HOXA9: variants seen among roughly 807,000 people sequenced by gnomAD.
HOXA9 encodes the protein homeobox protein Hox-A9.
Under a neutral mutation model 19.0 loss-of-function variants are expected in HOXA9, and 18 were observed. The ratio of observed to expected loss-of-function variants is 0.95; its 90% CI spans 0.65 to 1.40. HOXA9 has a LOEUF of 1.40. Among genes scored for constraint, HOXA9 ranks in the 40% most tolerant of loss-of-function variants. The pLI, the probability that HOXA9 is intolerant of heterozygous loss-of-function variation, is 0.00. For synonymous variants in HOXA9, 198 were observed against 161.1 expected (o/e 1.23, Z -1.73); for missense variants, 443 against 372.2 (o/e 1.19, Z -1.57).
In HOXA9 at chr7:27,164,994, G is replaced by T; in HGVS notation, c.464C>A (p.Thr155Asn). Reference sequence around the variant, plus strand: ...TGGAGGAGAACCACAAGCATAGTCAGTCAGGGACAAAGTGTGAGTGTCAAG... The same window carrying T: ...TGGAGGAGAACCACAAGCATAGTCATTCAGGGACAAAGTGTGAGTGTCAAG... ...PTLDTHTLSL[T>N]DYACGSPPVD... The change falls in exon 1 of 2, where the codon ACT becomes AAT. Residue 155 changes from threonine (T) to asparagine (N), a missense_variant. Coordinates refer to ENST00000343483, the MANE Select transcript of HOXA9 (RefSeq NM_152739.4). 1 of 1,614,262 alleles carries T rather than the reference G, an allele frequency of 6.2e-7. No individual in the cohort carries two copies. Among genetic ancestry groups the T allele is most frequent in the Non-Finnish European group, 8.5e-7 (1 of 1,180,050 alleles).
Position 27,164,979 on chromosome 7 carries a change from C to T in HOXA9, c.479G>A (p.Gly160Asp). ...TTTTTCTCTATCAACTGGAGGAGAA[C>T]CACAAGCATAGTCAGTCAGGGACAA... The part of the protein sequence containing the change: ...HTLSLTDYAC[G>D]SPPVDREKQP... The change falls in exon 1 of 2, where the codon GGT becomes GAT. Residue 160 changes from glycine (G) to aspartate (D), a missense_variant. Gly to Asp is a moderately conservative substitution (Grantham distance 94). Coordinates refer to ENST00000343483, the MANE Select transcript of HOXA9 (RefSeq NM_152739.4). The T allele has an allele frequency of 6.2e-7, 1 of 1,614,238 alleles. No individual in the cohort carries two copies. Among genetic ancestry groups the T allele is most frequent in the Non-Finnish European group, 8.5e-7 (1 of 1,180,040 alleles).
rs568128306 is a variant in HOXA9 at position 27,162,708 on chromosome 7, G to A, written c.*895C>T. The A allele has an allele frequency of 4.8e-6, 1 of 209,544 alleles. No individual in the cohort carries two copies. Among genetic ancestry groups the A allele is most frequent in the African/African-American group, 2.3e-5 (1 of 44,012 alleles). The allele number at this position is 209,544 out of a possible 1,614,324, so 13.0% of individuals were successfully genotyped here. A position where few individuals can be genotyped will look rare whatever the true frequency, so the allele number is the denominator to read the frequency against. ...CATAAACCCTAGGTAGTAACCTTCT[G>A]CACATATGTATAGCTCCGAATTTCC... On this transcript the variant is annotated 3_prime_UTR_variant, in exon 2 of 2. Coordinates refer to ENST00000343483, the MANE Select transcript of HOXA9 (RefSeq NM_152739.4).
In HOXA9 at chr7:27,165,316, G is replaced by T. The variant is rs781090714; in HGVS notation, c.142C>A (p.His48Asn). ...PPRQAATLAE[H>N]PDFSPCSFQS... ...AAGCTGCACGGGCTGAAGTCGGGGT[G>T]CTCGGCCAGCGTCGCCGCCTGCCGG... is the stretch of plus-strand genomic sequence containing the variant. The change falls in exon 1 of 2, where the codon CAC (histidine) becomes AAC (asparagine). Residue 48 changes from histidine to asparagine, a missense_variant. Transcript: ENST00000343483. 67 of 1,573,626 alleles carry T rather than the reference G, an allele frequency of 4.3e-5. No homozygotes were observed. The highest frequency in any genetic ancestry group is 1.7e-4 in the Middle Eastern group (1 of 5,994).
rs760819841 is a variant in HOXA9, at chr7:27,165,484, G to A, written c.-27C>T. 19 of 1,543,050 alleles carry A rather than the reference G, an allele frequency of 1.2e-5. No individual in the cohort carries two copies. The highest frequency in any genetic ancestry group is 1.7e-4 in the Middle Eastern group (1 of 5,842). On this transcript the variant is annotated 5_prime_UTR_variant, in exon 1 of 2. Transcript: ENST00000343483. The stretch of plus-strand genomic sequence containing the variant: ...ACCGTGCCCAGCGCCTGGCCCGCCC[G>A]GCCCGACCCACGGAAATTATGAAAC...
At position 27,162,853 on chromosome 7, in the gene HOXA9, T is replaced by C. The variant is rs1783228811; in HGVS notation, c.*750A>G. ...GGACTATATAGATAATGGACAGACT[T>C]AAATGCCCGCATTTTTAAGGTGGAG... is the stretch of plus-strand genomic sequence containing the variant. On this transcript the variant is annotated 3_prime_UTR_variant, in exon 2 of 2. Transcript: ENST00000343483. 5.0e-6 allele frequency: 1 copy of C among 199,478 alleles called. No individual in the cohort carries two copies. Among genetic ancestry groups the C allele is most frequent in the Non-Finnish European group, 1.0e-5 (1 of 96,552 alleles). 12.4% of individuals were successfully genotyped at this position (199,478 alleles called of 1,614,324 possible).
In HOXA9 at chr7:27,165,275, C is replaced by A. The variant is rs761013640; in HGVS notation, c.183G>T (p.Thr61=). ...FSPCSFQSKA[T]VFGASWNPVH... is the part of the protein sequence containing the mutation. ...CTGGGTTCCACGAGGCGCCAAACAC[C>A]GTCGCCTTGGACTGGAAGCTGCACG... The change falls in exon 1 of 2, where the codon ACG becomes ACT. Residue 61 remains threonine (T), a synonymous_variant. Transcript: ENST00000343483. 3 of 1,561,844 alleles carry A rather than the reference C, an allele frequency of 1.9e-6. No homozygotes were observed. Among genetic ancestry groups the A allele is most frequent in the Non-Finnish European group, 2.6e-6 (3 of 1,155,158 alleles).
chr7:27,164,633 G>GCCCGC (rs1783277719), intron 1 of HOXA9, among the ~76,000 whole-genome samples: 1 of 152,230 alleles, frequency 6.6e-6, no homozygotes, highest in Non-Finnish European at 1.5e-5. Context: ...GTCCCGAAGT[G>GCCCGC]CCCGCCCCGC....
rs764222340 is a variant in HOXA9 at position 27,165,309 on chromosome 7, T to G, written c.149A>C (p.Asp50Ala). 3 of 1,571,848 alleles carry G rather than the reference T, an allele frequency of 1.9e-6. No individual in the cohort carries two copies. The African/African-American group carries it at 4.1e-5, about 21-fold the overall frequency. The change falls in exon 1 of 2, where the codon GAC becomes GCC. Residue 50 changes from aspartate to alanine, a missense_variant. Asp to Ala is a moderately radical substitution (Grantham distance 126, BLOSUM62 -2). Coordinates refer to ENST00000343483, the MANE Select transcript of HOXA9 (RefSeq NM_152739.4). The stretch of plus-strand genomic sequence containing the variant: ...GGACTGGAAGCTGCACGGGCTGAAG[T>G]CGGGGTGCTCGGCCAGCGTCGCCGC... Reference protein sequence around the residue: ...RQAATLAEHPDFSPCSFQSKA... With the variant: ...RQAATLAEHPAFSPCSFQSKA...
At chr7:27,164,293 C>G (rs985363589) in intron 1 of HOXA9, among the ~76,000 whole-genome samples, 4 of 152,250 alleles carry the variant, frequency 2.6e-5, no homozygotes, top group African/African-American at 9.6e-5. Context: ...TCCTGGAAGG[C>G]CTTCGGAGCT....
chr7:27,164,424 G>A (rs1426949920), intron 1 of HOXA9, among the ~76,000 whole-genome samples: 1 of 152,240 alleles, frequency 6.6e-6, no homozygotes, highest in Admixed American at 6.5e-5. Flanking sequence ...GATTTACGCC[G>A]CCACTGGCCG....
In HOXA9 at chr7:27,163,485, G is replaced by A; in HGVS notation, c.*118C>T. 1 of 844,312 alleles carries A rather than the reference G, an allele frequency of 1.2e-6. No individual in the cohort carries two copies. The highest frequency in any genetic ancestry group is 1.6e-5 in the South Asian group (1 of 61,174). 52.3% of individuals were successfully genotyped at this position (844,312 alleles called of 1,614,324 possible). Reference sequence around the variant, plus strand: ...GTGGCCTGAGGTTTAGAGCCGCTTTGTGCGGGGATGGTGGAGGCTAGGGTG... The same window carrying A: ...GTGGCCTGAGGTTTAGAGCCGCTTTATGCGGGGATGGTGGAGGCTAGGGTG... On this transcript the variant is annotated 3_prime_UTR_variant, in exon 2 of 2. Transcript: ENST00000343483.
At position 27,163,907 on chromosome 7, in the gene HOXA9, T is replaced by A. The variant is rs539950262; in HGVS notation, c.581-66A>T. The A allele has an allele frequency of 5.2e-6, 7 of 1,335,860 alleles. No homozygotes were observed. The Admixed American group carries it at 1.0e-4, about 20-fold the overall frequency. 82.8% of individuals were successfully genotyped at this position (1,335,860 alleles called of 1,614,324 possible). On this transcript the variant is annotated intron_variant, in intron 1 of 1. Transcript: ENST00000343483. ...CACATCCCGCTGGGGCAAATGAGCC[T>A]CCTGCATGGGGTCTCTGGCCGAAGT...
rs1007650059 is a variant in HOXA9 at position 27,163,392 on chromosome 7, A to G, written c.*211T>C. The G allele has an allele frequency of 1.7e-6, 1 of 572,160 alleles. No individual in the cohort carries two copies. Among genetic ancestry groups the G allele is most frequent in the East Asian group, 2.8e-5 (1 of 35,992 alleles). The allele number at this position is 572,160 out of a possible 1,614,324, so 35.4% of individuals were successfully genotyped here. A position where few individuals can be genotyped will look rare whatever the true frequency, so the allele number is the denominator to read the frequency against. ...TTTTCTTATAGAAAATGGAAAGCTT[A>G]CAATACCTCCTCCATCAAAGCGGCA... On this transcript the variant is annotated 3_prime_UTR_variant, in exon 2 of 2. Coordinates refer to ENST00000343483, the MANE Select transcript of HOXA9 (RefSeq NM_152739.4).
chr7:27,162,685 T>C lies in HOXA9; in HGVS notation c.*918A>G, dbSNP rs1252914514. ...CATTTCCTCCAATTAAAATTAAGCA[T>C]AAACCCTAGGTAGTAACCTTCTGCA... On this transcript the variant is annotated 3_prime_UTR_variant, in exon 2 of 2. Coordinates refer to ENST00000343483, the MANE Select transcript of HOXA9 (RefSeq NM_152739.4). 1 of 209,896 alleles carries C rather than the reference T, an allele frequency of 4.8e-6. No homozygotes were observed. The highest frequency in any genetic ancestry group is 7.2e-5 in the East Asian group (1 of 13,830). The allele number at this position is 209,896 out of a possible 1,614,324, so 13.0% of individuals were successfully genotyped here.
At position 27,165,087 on chromosome 7, in the gene HOXA9, A is replaced by C. The variant is rs967454305; in HGVS notation, c.371T>G (p.Leu124Trp). The change falls in exon 1 of 2, where the codon TTG becomes TGG. Residue 124 changes from leucine to tryptophan, a missense_variant. Transcript: ENST00000343483. ...AATGCCATAAGGCCGGCTGGAGGGC[A>C]AGCCCGCGAAGGAGAGCGCACCGGG... ...PTPGALSFAG[L>W]PSSRPYGIKP... is the part of the protein sequence containing the mutation. 1 of 1,613,510 alleles carries C rather than the reference A, an allele frequency of 6.2e-7. No homozygotes were observed.
chr7:27,163,887 C>T, intron 1 of HOXA9, 46 bp from the exon 2 acceptor site: 2 of 1,513,806 alleles, frequency 1.3e-6, no homozygotes, highest in Non-Finnish European at 1.8e-6. Context: ...AGACGCACAT[C>T]CCGCTGGGGC....
intron 1 of HOXA9, among the ~76,000 whole-genome samples, chr7:27,164,584 G>C (rs1308316638): frequency 1.3e-5 from 2 of 152,246 alleles, no homozygotes; most frequent in Non-Finnish European, 2.9e-5. Context: ...TCGGTCCTGG[G>C]CCTGGGCAGC....
At chr7:27,164,278 A>G (rs1202648898) in intron 1 of HOXA9, among the ~76,000 whole-genome samples, 2 of 152,150 alleles carry the variant, frequency 1.3e-5, no homozygotes, top group Non-Finnish European at 2.9e-5. Context: ...CTCCTTATTT[A>G]ACCTTCCTGG....
rs1783236730 is a variant in HOXA9, at chr7:27,163,176, G to A, written c.*427C>T. 1 of 231,156 alleles carries A rather than the reference G, an allele frequency of 4.3e-6. No homozygotes were observed. Among genetic ancestry groups the A allele is most frequent in the Non-Finnish European group, 8.6e-6 (1 of 116,818 alleles). 14.3% of individuals were successfully genotyped at this position (231,156 alleles called of 1,614,324 possible). A position where few individuals can be genotyped will look rare whatever the true frequency, so the allele number is the denominator to read the frequency against. On this transcript the variant is annotated 3_prime_UTR_variant, in exon 2 of 2. Transcript: ENST00000343483. Reference sequence around the variant, plus strand: ...TTCAAGTATCTTGGCAGAGCAATCTGCCGCACAAACTGCAAATTAAATTAA... The same window carrying A: ...TTCAAGTATCTTGGCAGAGCAATCTACCGCACAAACTGCAAATTAAATTAA...
Sources: gnomAD v4.1 joint callset for allele counts (sites outside exome capture counted in the v4.1 genomes callset) on GRCh38, gnomAD v4.1.1 for gene constraint, MANE v1.5 for transcripts, NCBI Gene and HGNC (gene_info 2026-07-23, HGNC 2026-07-21) for gene names.